Variants in PTBP2 observed in about 807,000 individuals in gnomAD.
The protein encoded by PTBP2 is polypyrimidine tract binding protein 2.
PTBP2 carries 13 observed loss-of-function variants against 61.4 expected under a neutral mutation model. The observed-to-expected ratio is 0.21, with a 90% CI of 0.14 to 0.34. PTBP2 has a LOEUF of 0.34. Among genes scored for constraint, PTBP2 ranks in the 10% least tolerant of loss-of-function variants. The pLI, the probability that PTBP2 is intolerant of heterozygous loss-of-function variation, is 1.00. For synonymous variants in PTBP2, 215 were observed against 218.5 expected, an observed-to-expected ratio of 0.98 and a Z score of 0.14; for missense variants, 405 against 642.6, an observed-to-expected ratio of 0.63 and a Z score of 4.00.
chr1:96,772,212 A>G (rs1252325829), intron 5 of PTBP2, among the ~76,000 whole-genome samples: 1 of 152,144 alleles, frequency 6.6e-6, no homozygotes, highest in Admixed American at 6.5e-5. Context: ...AATTTGCTAG[A>G]GCAGCACACA....
intron 8 of PTBP2, among the ~76,000 whole-genome samples, chr1:96,794,602 G>T (rs2101120927): frequency 6.6e-6 from 1 of 152,260 alleles, no homozygotes; most frequent in South Asian, 2.1e-4. Flanking sequence ...TTATTCAGCA[G>T]TCATTTTAAC....
chr1:96,749,372 A>G (rs1428420796), intron 2 of PTBP2, among the ~76,000 whole-genome samples: 3 of 152,234 alleles, frequency 2.0e-5, no homozygotes, highest in Admixed American at 1.3e-4. Context: ...ACATTTGAAA[A>G]GAGGTCAAGT....
chr1:96,807,029 T>C, intron 11 of PTBP2, 71 bp downstream of exon 11: 1 of 1,207,340 alleles, frequency 8.3e-7, no homozygotes, highest in Non-Finnish European at 1.2e-6. Context: ...AATGTGCGAA[T>C]AAAAATAAAC....
chr1:96,785,737 G>A (rs1047575339), intron 8 of PTBP2, among the ~76,000 whole-genome samples: 4 of 152,070 alleles, frequency 2.6e-5, no homozygotes, highest in East Asian at 1.9e-4. Flanking sequence ...GAAGCATATT[G>A]TAGTGGCCTT....
At chr1:96,779,413 G>A (rs1211886370) in intron 7 of PTBP2, among the ~76,000 whole-genome samples, 1 of 152,084 alleles carries the variant, frequency 6.6e-6, no homozygotes, top group Non-Finnish European at 1.5e-5. Context: ...AATGAAATTT[G>A]AGTGGGGATT....
At chr1:96,751,957 T>G (rs906671979) in intron 3 of PTBP2, among the ~76,000 whole-genome samples, 1 of 152,098 alleles carries the variant, frequency 6.6e-6, no homozygotes, top group African/African-American at 2.4e-5. Context: ...ACTAATTTTT[T>G]GCTGAAACAG....
Position 96,737,950 on chromosome 1 carries a change from G to T in PTBP2, c.40-13475G>T, listed in dbSNP as rs752921053. 4.6e-5 allele frequency among the ~76,000 whole-genome samples: 7 copies of T among 151,950 alleles called. No homozygotes were observed. In the South Asian group the frequency reaches 6.2e-4, roughly 14 times the overall value. On this transcript the variant is annotated intron_variant, in intron 2 of 13. Transcript: ENST00000674951. ...TTAAATATTTATGGGCCATTTTAAG[G>T]CTTCTAATCTTCATTTGTGATGAAC...
chr1:96,793,404 C>G (rs1660053316), intron 8 of PTBP2, among the ~76,000 whole-genome samples: 1 of 152,004 alleles, frequency 6.6e-6, no homozygotes, highest in African/African-American at 2.4e-5. Context: ...AGTACTGGCT[C>G]TGTTGCCTGG....
chr1:96,730,896 T>C (rs1202253910), intron 2 of PTBP2, among the ~76,000 whole-genome samples: 2 of 152,226 alleles, frequency 1.3e-5, no homozygotes, highest in Admixed American at 1.3e-4. Context: ...TTGCCTGATG[T>C]CCAGTGTCTT....
Position 96,806,858 on chromosome 1 carries a change from C to CA in PTBP2, c.1079-2dup, listed in dbSNP as rs746856604. ...TTTTTGGATTACCTCTCTGTGGCTC[C>CA]AAAAAAGGTGTTTATGGAGATGTGC... On this transcript the variant is annotated splice_region_variant and splice_polypyrimidine_tract_variant and intron_variant, in intron 10 of 13. Coordinates refer to ENST00000674951, the MANE Select transcript of PTBP2 (RefSeq NM_021190.4). The CA allele has an allele frequency of 1.9e-6, 3 of 1,603,720 alleles. No individual in the cohort carries two copies. The highest frequency in any genetic ancestry group is 2.5e-6 in the Non-Finnish European group (3 of 1,176,486).
intron 3 of PTBP2, among the ~76,000 whole-genome samples, chr1:96,759,671 CTT>C (rs1321338344): frequency 6.6e-6 from 1 of 152,138 alleles, no homozygotes; most frequent in African/African-American, 2.4e-5. Flanking sequence ...AATATATAAA[CTT>C]GACTCCATCA....
chr1:96,779,835 G>T (rs1658451401), intron 7 of PTBP2, among the ~76,000 whole-genome samples: 1 of 151,766 alleles, frequency 6.6e-6, no homozygotes, highest in Non-Finnish European at 1.5e-5. Context: ...TTACTTGCCT[G>T]CATCTGGGCT....
intron 7 of PTBP2, among the ~76,000 whole-genome samples, chr1:96,780,549 C>G (rs1658541821): frequency 6.6e-6 from 1 of 152,042 alleles, no homozygotes; most frequent in South Asian, 2.1e-4. Flanking sequence ...TACTTAATAC[C>G]TAGATAATAT....
intron 11 of PTBP2, among the ~76,000 whole-genome samples, chr1:96,810,273 G>C (rs1411204488): frequency 6.6e-6 from 1 of 152,156 alleles, no homozygotes; most frequent in East Asian, 1.9e-4. Flanking sequence ...TGGAATAGGA[G>C]AGTTCAAGTG....
At chr1:96,809,467 C>T (rs1661827748) in intron 11 of PTBP2, among the ~76,000 whole-genome samples, 1 of 151,984 alleles carries the variant, frequency 6.6e-6, no homozygotes, top group Non-Finnish European at 1.5e-5. Flanking sequence ...AAATCTGTAT[C>T]CTGAGATTTA....
intron 8 of PTBP2, among the ~76,000 whole-genome samples, chr1:96,795,101 G>T (rs1256500619): frequency 1.3e-5 from 2 of 152,136 alleles, no homozygotes; most frequent in Non-Finnish European, 2.9e-5. Context: ...CGGGGGATGA[G>T]TTAAGAACCA....
chr1:96,749,803 C>A, intron 2 of PTBP2: 1 of 347,854 alleles, frequency 2.9e-6, no homozygotes, highest in Non-Finnish European at 6.0e-6. Context: ...AATCACTGTT[C>A]GTGTATAATT....
At chr1:96,801,583 A>C (rs1033605083) in intron 8 of PTBP2, among the ~76,000 whole-genome samples, 3 of 152,076 alleles carry the variant, frequency 2.0e-5, no homozygotes, top group African/African-American at 7.2e-5. Flanking sequence ...GGCCAGGCGC[A>C]GTGGCTCAGA....
At chr1:96,747,340 T>C (rs750578189) in intron 2 of PTBP2, among the ~76,000 whole-genome samples, 6 of 152,188 alleles carry the variant, frequency 3.9e-5, no homozygotes, top group Non-Finnish European at 8.8e-5. Flanking sequence ...CTTATAGAGA[T>C]TTTTGTAGTA....
Sources: allele counts gnomAD v4.1 joint callset (sites outside exome capture counted in the v4.1 genomes callset), GRCh38; gene constraint gnomAD v4.1.1; transcripts MANE v1.5; gene names NCBI Gene and HGNC (gene_info 2026-07-23, HGNC 2026-07-21).